Variants in ADAM28 observed in about 807,000 individuals in gnomAD.
ADAM28 encodes ADAM metallopeptidase domain 28, also known as disintegrin and metalloproteinase domain-containing protein 28.
Under a neutral mutation model 101.2 loss-of-function variants are expected in ADAM28, and 105 were observed. That is an observed-to-expected ratio of 1.04 (90% CI 0.89 to 1.22). ADAM28 has a LOEUF of 1.22. Among genes scored for constraint, ADAM28 ranks in the 50% most tolerant of loss-of-function variants. The pLI is 0.00. For synonymous variants in ADAM28, 322 were observed against 310.6 expected (o/e 1.04, Z -0.39); for missense variants, 1,028 against 945.4 (o/e 1.09, Z -1.15).
intron 16 of ADAM28, 36 bp downstream of exon 16, chr8:24,341,793 T>C (rs1814799607): frequency 6.2e-7 from 1 of 1,612,508 alleles, no homozygotes. Context: ...CAAAATAGTG[T>C]TTTTTACTTT....
intron 11 of ADAM28, 71 bp downstream of exon 11, chr8:24,330,186 T>C: frequency 6.7e-7 from 1 of 1,496,812 alleles, no homozygotes; most frequent in Non-Finnish European, 9.0e-7. Context: ...TGTACTACTT[T>C]AGGTCATCTT....
intron 7 of ADAM28, 66 bp from the exon 8 acceptor site, chr8:24,321,152 C>T (rs1811822800): frequency 1.0e-6 from 1 of 989,882 alleles, no homozygotes; most frequent in South Asian, 1.4e-5. Context: ...GAGAAGATGC[C>T]TTTTTAACCT....
Position 24,339,583 on chromosome 8 carries a change from C to T in ADAM28, c.1670+15C>T. The T allele has an allele frequency of 1.9e-6, 3 of 1,589,862 alleles. No homozygotes were observed. The highest frequency in any genetic ancestry group is 2.6e-6 in the Non-Finnish European group (3 of 1,162,022). ...TGCAAAGCAAAGTAAGTGGCCTTGT[C>T]TGAACCTTCCTGCTTCACAGACTAG... On this transcript the variant is annotated intron_variant, in intron 15 of 22. Coordinates refer to ENST00000265769, the MANE Select transcript of ADAM28 (RefSeq NM_014265.6).
At chr8:24,348,751 G>A (rs1370334432) in intron 18 of ADAM28, among the ~76,000 whole-genome samples, 1 of 152,138 alleles carries the variant, frequency 6.6e-6, no homozygotes, top group African/African-American at 2.4e-5. Flanking sequence ...ACCTTCCGTT[G>A]TTATACTTCC....
At position 24,296,387 on chromosome 8, in the gene ADAM28, G is replaced by T. The variant is rs1467368810; in HGVS notation, c.46+2192G>T. 3 of 152,194 alleles carry T rather than the reference G, an allele frequency of 2.0e-5. No individual in the cohort carries two copies. The East Asian group carries it at 5.8e-4, about 29-fold the overall frequency. 9.4% of individuals were successfully genotyped at this position (152,194 alleles called of 1,614,324 possible). A position where few individuals can be genotyped will look rare whatever the true frequency, so the allele number is the denominator to read the frequency against. On this transcript the variant is annotated intron_variant, in intron 1 of 22. Coordinates refer to ENST00000265769, the MANE Select transcript of ADAM28 (RefSeq NM_014265.6). ...ACAAGATGGTTTGAGGAGATGCAGAGAATCCCAGGACATAAGTCAATATCC... is the reference window on the plus strand; with the variant it reads ...ACAAGATGGTTTGAGGAGATGCAGATAATCCCAGGACATAAGTCAATATCC...
chr8:24,321,694 T>C (rs768682832), intron 8 of ADAM28, among the ~76,000 whole-genome samples: 1 of 151,960 alleles, frequency 6.6e-6, no homozygotes, highest in Non-Finnish European at 1.5e-5. Context: ...AGAACAACGC[T>C]AAATGTTACT....
chr8:24,354,157 C>T (rs1816502503), intron 22 of ADAM28, among the ~76,000 whole-genome samples: 1 of 152,034 alleles, frequency 6.6e-6, no homozygotes, highest in South Asian at 2.1e-4. Context: ...CCTACCTTCT[C>T]CATATTATGC....
rs369442825 is a variant in ADAM28 at position 24,323,991 on chromosome 8, C to T, written c.878C>T (p.Ala293Val). The part of the protein sequence containing the change: ...VLSRRKRHDI[A>V]QLITATELAG... Reference sequence around the variant, plus strand: ...TCAAGAAGAAAGCGTCATGATATTGCTCAGTTAATCACGTATGTACAGATT... The same window carrying T: ...TCAAGAAGAAAGCGTCATGATATTGTTCAGTTAATCACGTATGTACAGATT... Residue 293 changes from alanine (A) to valine (V), a missense_variant, in exon 9 of 23, where the codon GCT becomes GTT. Physicochemically the swap from Ala to Val is moderately conservative, Grantham distance 64. Coordinates refer to ENST00000265769, the MANE Select transcript of ADAM28 (RefSeq NM_014265.6). 16 of 1,611,476 alleles carry T rather than the reference C, an allele frequency of 9.9e-6. No individual in the cohort carries two copies. In the African/African-American group the frequency reaches 1.9e-4, roughly 19 times the overall value.
rs10654023 is a variant in ADAM28, at chr8:24,305,451, CTTTTTTTTTTTT to C, written c.151-4428_151-4417del. ...GTCCAGGTAAATTTTTAAGAGGTTT[CTTTTTTTTTTTT>C]TTTTTTTTTTTTTTAAAATATGTCT... is the stretch of plus-strand genomic sequence containing the variant. On this transcript the variant is annotated intron_variant, in intron 2 of 22. Coordinates refer to ENST00000265769, the MANE Select transcript of ADAM28 (RefSeq NM_014265.6). Among the ~76,000 whole-genome samples, 3 of 65,462 alleles carry C rather than the reference CTTTTTTTTTTTT, an allele frequency of 4.6e-5. No individual in the cohort carries two copies. The South Asian group carries it at 1.8e-3, about 39-fold the overall frequency. 42.9% of individuals were successfully genotyped at this position (65,462 alleles called of 152,430 possible). A position where few individuals can be genotyped will look rare whatever the true frequency, so the allele number is the denominator to read the frequency against.
intron 21 of ADAM28, among the ~76,000 whole-genome samples, chr8:24,353,502 T>C (rs184990024): frequency 1.4e-3 from 219 of 152,272 alleles, no homozygotes; most frequent in Non-Finnish European, 2.7e-3. Context: ...ACTTAATTCT[T>C]CAACTGTTAT....
At chr8:24,300,745 A>G (rs1808639397) in intron 2 of ADAM28, 1 of 152,162 alleles carries the variant, frequency 6.6e-6, no homozygotes, top group South Asian at 2.1e-4. Context: ...GATTTATTCT[A>G]CGTACTTCCA....
At chr8:24,322,762 T>C (rs756418447) in intron 8 of ADAM28, 4 of 152,014 alleles carry the variant, frequency 2.6e-5, no homozygotes, top group Non-Finnish European at 5.9e-5. Context: ...AGTAACTGCA[T>C]TCCTTAATGC....
intron 18 of ADAM28, among the ~76,000 whole-genome samples, chr8:24,347,216 G>A (rs957569043): frequency 4.6e-5 from 7 of 151,950 alleles, no homozygotes; most frequent in Non-Finnish European, 8.8e-5. Context: ...TGTCAAATAA[G>A]TCAATTGGTT....
At chr8:24,346,731 A>G (rs2129334618) in intron 18 of ADAM28, among the ~76,000 whole-genome samples, 1 of 152,248 alleles carries the variant, frequency 6.6e-6, no homozygotes, top group African/African-American at 2.4e-5. Flanking sequence ...AATAAGGGCC[A>G]AGAAATAGAC....
chr8:24,343,592 A>G lies in ADAM28; in HGVS notation c.1990+8A>G, dbSNP rs1394165156. 6.2e-7 allele frequency: 1 copy of G among 1,613,242 alleles called. No individual in the cohort carries two copies. Among genetic ancestry groups the G allele is most frequent in the Non-Finnish European group, 8.5e-7 (1 of 1,179,510 alleles). ...ACTCCTCAGTGGTCTTCCGTAGGTA[A>G]CATTACACATCTAACCTGAGAAAAT... On this transcript the variant is annotated splice_region_variant and intron_variant, in intron 18 of 22. Transcript: ENST00000265769.
At chr8:24,336,203 G>T in intron 14 of ADAM28, 1 of 963,322 alleles carries the variant, frequency 1.0e-6, no homozygotes, top group Non-Finnish European at 1.2e-6. Flanking sequence ...AAATTTTAGA[G>T]ACCATATTCT....
At chr8:24,344,897 T>A (rs1179576207) in intron 18 of ADAM28, among the ~76,000 whole-genome samples, 1 of 152,094 alleles carries the variant, frequency 6.6e-6, no homozygotes, top group Admixed American at 6.6e-5. Flanking sequence ...GTATTTCTGT[T>A]GCCAAATATT....
At chr8:24,320,825 C>G (rs1811769607) in intron 7 of ADAM28, among the ~76,000 whole-genome samples, 1 of 151,968 alleles carries the variant, frequency 6.6e-6, no homozygotes, top group African/African-American at 2.4e-5. Context: ...TATAAGTCAA[C>G]CATTAGCTCA....
intron 15 of ADAM28, 197 bp from the exon 16 acceptor site, chr8:24,341,401 A>G (rs7005177): frequency 0.17 from 92,570 of 554,804 alleles, 8,859 homozygotes; most frequent in East Asian, 0.37. Context: ...TCTAGGTAAT[A>G]CTGTTTATTT....
Sources: gnomAD v4.1 joint callset for allele counts (sites outside exome capture counted in the v4.1 genomes callset) on GRCh38, gnomAD v4.1.1 for gene constraint, MANE v1.5 for transcripts, NCBI Gene and HGNC (gene_info 2026-07-23, HGNC 2026-07-21) for gene names.